SFSWAP: variants seen among roughly 807,000 people sequenced by gnomAD.
SFSWAP encodes the protein splicing factor, suppressor of white-apricot homolog.
Under a neutral mutation model 100.7 loss-of-function variants are expected in SFSWAP, and 17 were observed. The ratio of observed to expected loss-of-function variants is 0.17; its 90% CI spans 0.12 to 0.25. The LOEUF (loss-of-function observed/expected upper bound fraction) is 0.25, where lower values mean the gene tolerates loss of function less well. Among genes scored for constraint, SFSWAP ranks in the 10% least tolerant of loss-of-function variants. The probability of loss-of-function intolerance (pLI) is 1.00; values close to 1 mark genes in which losing one functional copy is unlikely to be tolerated. For synonymous variants in SFSWAP, 504 were observed against 510.1 expected (o/e 0.99, Z 0.16); for missense variants, 1,005 against 1,262.6 (o/e 0.80, Z 3.09).
At chr12:131,768,109 T>C (rs779789816) in intron 13 of SFSWAP, among the ~76,000 whole-genome samples, 99 of 152,346 alleles carry the variant, frequency 6.5e-4, no homozygotes, top group Non-Finnish European at 8.4e-4. Flanking sequence ...TCGTTGCATA[T>C]GTGGTGACTG....
At chr12:131,771,648 CTCTT>C (rs1163876343) in intron 13 of SFSWAP, among the ~76,000 whole-genome samples, 2 of 121,592 alleles carry the variant, frequency 1.6e-5, no homozygotes, top group African/African-American at 6.0e-5. Flanking sequence ...TTGCTAATGT[CTCTT>C]TTTTTTTTTT....
At chr12:131,777,122 T>C (rs1210656086) in intron 13 of SFSWAP, among the ~76,000 whole-genome samples, 1 of 152,222 alleles carries the variant, frequency 6.6e-6, no homozygotes, top group African/African-American at 2.4e-5. Context: ...TAAAACTGTT[T>C]TTTTTGTTTT....
chr12:131,770,912 AC>A (rs1426159902), intron 13 of SFSWAP, among the ~76,000 whole-genome samples: 1 of 152,026 alleles, frequency 6.6e-6, no homozygotes, highest in Non-Finnish European at 1.5e-5. Flanking sequence ...ACTCCTGGGG[AC>A]CGCATGTGTG....
rs899379315 is a variant in SFSWAP, at chr12:131,728,272, C to T, written c.946-21C>T. On this transcript the variant is annotated intron_variant, in intron 6 of 17. Transcript: ENST00000261674. ...TGGTTCAGAATATTGAATGCTAAGG[C>T]TGTGTCTTCTCTGTTTCCAGCCCTT... 4 of 1,613,762 alleles carry T rather than the reference C, an allele frequency of 2.5e-6. No homozygotes were observed. The African/African-American group carries it at 5.3e-5, about 22-fold the overall frequency.
chr12:131,770,788 G>A (rs957366070), intron 13 of SFSWAP, among the ~76,000 whole-genome samples: 7 of 152,106 alleles, frequency 4.6e-5, no homozygotes, highest in East Asian at 1.9e-4. Context: ...CCACCCAACC[G>A]TTCCCAGGAT....
In SFSWAP at chr12:131,711,137, C is replaced by A; in HGVS notation, c.-93C>A. The A allele has an allele frequency of 9.7e-7, 1 of 1,032,326 alleles. No individual in the cohort carries two copies. Among genetic ancestry groups the A allele is most frequent in the Non-Finnish European group, 1.4e-6 (1 of 728,548 alleles). The allele number at this position is 1,032,326 out of a possible 1,614,324, so 63.9% of individuals were successfully genotyped here. On this transcript the variant is annotated 5_prime_UTR_variant, in exon 1 of 18. The change creates a premature stop within an existing upstream ORF in the 5' untranslated region. Coordinates refer to ENST00000261674, the MANE Select transcript of SFSWAP (RefSeq NM_004592.4). This position sits in a 1 kb window ranked among gnomAD's most constrained non-coding sequence, Gnocchi z 4.9. ...CGGTGTTGAGGTTGGGTACGGGATG[C>A]GGGGTCTTTGACTGAAGGGGTAGGC...
intron 3 of SFSWAP, among the ~76,000 whole-genome samples, chr12:131,719,057 G>A (rs1175675809): frequency 6.6e-6 from 1 of 152,154 alleles, no homozygotes; most frequent in Non-Finnish European, 1.5e-5. Flanking sequence ...CAGATTGAGG[G>A]ATGTGAGACC....
At chr12:131,719,058 A>G (rs1480370681) in intron 3 of SFSWAP, among the ~76,000 whole-genome samples, 1 of 152,134 alleles carries the variant, frequency 6.6e-6, no homozygotes, top group Non-Finnish European at 1.5e-5. Context: ...AGATTGAGGG[A>G]TGTGAGACCC....
At chr12:131,779,758 C>T (rs1884348329) in intron 14 of SFSWAP, among the ~76,000 whole-genome samples, 1 of 152,100 alleles carries the variant, frequency 6.6e-6, no homozygotes, top group South Asian at 2.1e-4. Context: ...AAACAATATG[C>T]TTGCTTTCTT....
chr12:131,765,126 GC>G (rs1273855637), intron 12 of SFSWAP, among the ~76,000 whole-genome samples: 1 of 152,182 alleles, frequency 6.6e-6, no homozygotes, highest in Non-Finnish European at 1.5e-5. Context: ...TGGTTTTCCG[GC>G]TGCGGCTCAT....
At chr12:131,744,190 C>T (rs912560896) in intron 7 of SFSWAP, among the ~76,000 whole-genome samples, 3 of 152,232 alleles carry the variant, frequency 2.0e-5, no homozygotes, top group Non-Finnish European at 4.4e-5. Context: ...CTCCTGGTTA[C>T]TTATGCAAAT....
Position 131,725,596 on chromosome 12 carries a change from T to C in SFSWAP, c.798T>C (p.Thr266=). Residue 266 remains threonine, a synonymous_variant, in exon 5 of 18, where the codon ACT becomes ACC. Transcript: ENST00000261674. The surrounding 1 kb of genome is among the most constrained non-coding windows in gnomAD (Gnocchi z 4.3). ...IQKAMKEGRY[T]VLAENKSDEK... ...AAGCCATGAAAGAGGGACGCTACAC[T>C]GTCCTGGCAGAAAACAAAAGTGACG... 2 of 1,614,056 alleles carry C rather than the reference T, an allele frequency of 1.2e-6. No individual in the cohort carries two copies. Among genetic ancestry groups the C allele is most frequent in the Non-Finnish European group, 1.7e-6 (2 of 1,179,996 alleles).
chr12:131,777,958 G>T, intron 13 of SFSWAP, 107 bp from the exon 14 acceptor site: 2 of 1,502,346 alleles, frequency 1.3e-6, no homozygotes, highest in South Asian at 1.4e-5. Flanking sequence ...CTAAGAGATG[G>T]TTGCTGTGTT....
intron 14 of SFSWAP, among the ~76,000 whole-genome samples, chr12:131,782,774 C>T (rs1056106339): frequency 1.3e-5 from 2 of 152,124 alleles, no homozygotes; most frequent in Non-Finnish European, 2.9e-5. Flanking sequence ...TTATGGGCGA[C>T]TCTGGATCTC....
Position 131,714,027 on chromosome 12 carries a change from TA to T in SFSWAP, c.219-43del. On this transcript the variant is annotated intron_variant, in intron 1 of 17. Coordinates refer to ENST00000261674, the MANE Select transcript of SFSWAP (RefSeq NM_004592.4). This position sits in a 1 kb window ranked among gnomAD's most constrained non-coding sequence, Gnocchi z 6.0. ...AAAACATCACACACGCACACCAGTCTAGACGTTAATTTCCTTTTATTGACCA... is the reference window on the plus strand; with the variant it reads ...AAAACATCACACACGCACACCAGTCTGACGTTAATTTCCTTTTATTGACCA... 2 of 1,526,600 alleles carry T rather than the reference TA, an allele frequency of 1.3e-6. No homozygotes were observed. Among genetic ancestry groups the T allele is most frequent in the Middle Eastern group, 2.2e-4 (1 of 4,448 alleles). 94.6% of individuals were successfully genotyped at this position (1,526,600 alleles called of 1,614,324 possible).
intron 11 of SFSWAP, among the ~76,000 whole-genome samples, chr12:131,761,709 T>C (rs1882694111): frequency 1.3e-5 from 2 of 152,240 alleles, no homozygotes; most frequent in African/African-American, 4.8e-5. Context: ...AGGAAGATTC[T>C]AGGCAGAAGC....
intron 15 of SFSWAP, chr12:131,796,020 GGGGGAGGGGAGGGGAGGGGAGC>G (rs1885638127): frequency 5.8e-4 from 3 of 5,184 alleles, no homozygotes; most frequent in Non-Finnish European, 1.5e-3. Flanking sequence ...GGAGGGGAGA[GGGGGAGGGGAGGGGAGGGGAGC>G]GGAGAGGGGG....
intron 7 of SFSWAP, among the ~76,000 whole-genome samples, chr12:131,745,125 G>T (rs1880993903): frequency 6.6e-6 from 1 of 152,198 alleles, no homozygotes; most frequent in African/African-American, 2.4e-5. Context: ...AATGTGTGAT[G>T]AGCCAAATAA....
Position 131,733,892 on chromosome 12 carries a change from T to C in SFSWAP, c.1081+5464T>C, listed in dbSNP as rs1295099218. Among the ~76,000 whole-genome samples, 1 of 152,018 alleles carries C rather than the reference T, an allele frequency of 6.6e-6. No individual in the cohort carries two copies. Among genetic ancestry groups the C allele is most frequent in the Non-Finnish European group, 1.5e-5 (1 of 67,980 alleles). On this transcript the variant is annotated intron_variant, in intron 7 of 17. Transcript: ENST00000261674. The surrounding 1 kb of genome is among the most constrained non-coding windows in gnomAD (Gnocchi z 5.1). ...TGCAGCTTCATCCTCCAGGGCGTGG[T>C]CTCCAGATGACTTACCTCCTAGATA...
Sources: gnomAD v4.1 joint callset for allele counts (sites outside exome capture counted in the v4.1 genomes callset) on GRCh38, gnomAD v4.1.1 for gene constraint, Gnocchi (gnomAD v3.1) non-coding constraint, MANE v1.5 for transcripts, NCBI Gene and HGNC (gene_info 2026-07-23, HGNC 2026-07-21) for gene names.